The following CPPED1 variants were observed in gnomAD, a reference collection of about 807,000 sequenced individuals.
CPPED1 encodes the protein serine/threonine-protein phosphatase CPPED1.
A neutral mutation model predicts 28.0 loss-of-function variants in CPPED1; 28 were observed. That is an observed-to-expected ratio of 1.00 (90% CI 0.74 to 1.37). The LOEUF is 1.37. Among genes scored for constraint, CPPED1 ranks in the 40% most tolerant of loss-of-function variants. CPPED1 has a pLI of 0.00. For synonymous variants in CPPED1, 198 were observed against 180.2 expected, an observed-to-expected ratio of 1.10 and a Z score of -0.79; for missense variants, 504 against 416.5, an observed-to-expected ratio of 1.21 and a Z score of -1.83.
chr16:12,714,914 T>A (rs1033375373), intron 2 of CPPED1, among the ~76,000 whole-genome samples: 3 of 152,118 alleles, frequency 2.0e-5, no homozygotes, highest in Non-Finnish European at 4.4e-5. Context: ...TTCTAACAGT[T>A]TTCTAGTTTT....
At chr16:12,671,285 C>T (rs1053661633) in intron 3 of CPPED1, among the ~76,000 whole-genome samples, 4 of 152,116 alleles carry the variant, frequency 2.6e-5, no homozygotes, top group African/African-American at 9.7e-5. Context: ...TGATTAGATT[C>T]CCTTAGTTTT....
At chr16:12,716,211 C>A (rs2080106235) in intron 2 of CPPED1, among the ~76,000 whole-genome samples, 1 of 152,208 alleles carries the variant, frequency 6.6e-6, no homozygotes, top group Admixed American at 6.5e-5. Context: ...TATTTTTCCT[C>A]CAAAGTGATC....
chr16:12,784,873 TA>T (rs774409770), intron 1 of CPPED1, among the ~76,000 whole-genome samples: 25 of 152,158 alleles, frequency 1.6e-4, no homozygotes, highest in Admixed American at 6.5e-5. Flanking sequence ...TTGAAGCTAT[TA>T]AAACAAATCT....
At chr16:12,775,509 A>G (rs950559825) in intron 2 of CPPED1, among the ~76,000 whole-genome samples, 3 of 152,136 alleles carry the variant, frequency 2.0e-5, no homozygotes, top group African/African-American at 7.2e-5. Context: ...CAGTGCTCAA[A>G]AAGTTTCACA....
intron 2 of CPPED1, among the ~76,000 whole-genome samples, chr16:12,721,768 G>T (rs1415010460): frequency 6.9e-6 from 1 of 144,796 alleles, no homozygotes; most frequent in Admixed American, 7.0e-5. Context: ...AAAAAAAAAA[G>T]GCAAAATAAA....
intron 1 of CPPED1, among the ~76,000 whole-genome samples, chr16:12,791,600 C>T (rs2080597074): frequency 6.6e-6 from 1 of 152,172 alleles, no homozygotes; most frequent in Non-Finnish European, 1.5e-5. Flanking sequence ...TCACCAACTA[C>T]TCTTGGGCCA....
rs938626388 is a variant in CPPED1, at chr16:12,803,738, G to T, written c.39C>A (p.Ala13=). 1.9e-6 allele frequency: 3 copies of T among 1,596,126 alleles called. No individual in the cohort carries two copies. Among genetic ancestry groups the T allele is most frequent in the South Asian group, 2.3e-5 (2 of 88,546 alleles). Residue 13 remains alanine, a synonymous_variant, in exon 1 of 4, where the codon GCC becomes GCA. Coordinates refer to ENST00000381774, the MANE Select transcript of CPPED1 (RefSeq NM_018340.3). ...GAAACGCGGCCAGGGTCCTGCCCCT[G>T]GCTCTGTGGAAAACACCCCCCGCCT... ...AAEAGGVFHR[A]RGRTLAAFPA... is the part of the protein sequence containing the mutation.
At chr16:12,755,987 C>T (rs1214607662) in intron 2 of CPPED1, among the ~76,000 whole-genome samples, 5 of 152,164 alleles carry the variant, frequency 3.3e-5, no homozygotes, top group South Asian at 2.1e-4. Flanking sequence ...AAAAATTAGC[C>T]GGGCGTGGTC....
intron 2 of CPPED1, among the ~76,000 whole-genome samples, chr16:12,767,516 G>C (rs962568900): frequency 6.6e-6 from 1 of 152,156 alleles, no homozygotes; most frequent in Non-Finnish European, 1.5e-5. Context: ...GATGAGAGCT[G>C]TGGACCTTCT....
intron 3 of CPPED1, among the ~76,000 whole-genome samples, chr16:12,698,170 C>T (rs988283053): frequency 7.2e-5 from 11 of 152,120 alleles, no homozygotes; most frequent in Non-Finnish European, 1.6e-4. Context: ...ACGGATATTA[C>T]CTGCTGATAA....
intron 1 of CPPED1, among the ~76,000 whole-genome samples, chr16:12,798,141 T>C (rs923697208): frequency 2.0e-5 from 3 of 152,112 alleles, no homozygotes; most frequent in Non-Finnish European, 4.4e-5. Context: ...AACCCCGACA[T>C]TCAAAAATAA....
chr16:12,699,445 C>T (rs962127286), intron 3 of CPPED1, among the ~76,000 whole-genome samples: 2 of 152,124 alleles, frequency 1.3e-5, no homozygotes, highest in Admixed American at 6.6e-5. Flanking sequence ...CCCCTCCACT[C>T]CCGGTGGTCC....
intron 2 of CPPED1, chr16:12,761,046 T>C (rs1374371736): frequency 3.9e-5 from 6 of 152,184 alleles, no homozygotes; most frequent in Admixed American, 3.3e-4. Context: ...CCAGTTTGCA[T>C]GCAGCCTCAG....
In CPPED1 at chr16:12,664,137, A is replaced by T. The variant is rs889022374; in HGVS notation, c.*749T>A. 3 of 153,438 alleles carry T rather than the reference A, an allele frequency of 2.0e-5. No individual in the cohort carries two copies. Among genetic ancestry groups the T allele is most frequent in the African/African-American group, 7.2e-5 (3 of 41,460 alleles). The allele number at this position is 153,438 out of a possible 1,614,324, so 9.5% of individuals were successfully genotyped here. A position where few individuals can be genotyped will look rare whatever the true frequency, so the allele number is the denominator to read the frequency against. ...CACAGCCAGAATGTGGATGTGAACC[A>T]ACTCAACGTGCTCCCCAGAGACTGA... On this transcript the variant is annotated 3_prime_UTR_variant, in exon 4 of 4. Transcript: ENST00000381774. The surrounding 1 kb of genome is among the most constrained non-coding windows in gnomAD (Gnocchi z 4.2).
intron 1 of CPPED1, among the ~76,000 whole-genome samples, chr16:12,784,166 C>T (rs551753046): frequency 6.6e-6 from 1 of 152,344 alleles, no homozygotes; most frequent in East Asian, 1.9e-4. Flanking sequence ...AGATTAAAAA[C>T]TGTCATGTTG....
intron 2 of CPPED1, among the ~76,000 whole-genome samples, chr16:12,777,392 A>C (rs4781335): frequency 0.051 from 7,687 of 152,216 alleles, 346 homozygotes; most frequent in East Asian, 0.26. Flanking sequence ...GCTTCTGGGG[A>C]CAAAACCAGT....
intron 2 of CPPED1, among the ~76,000 whole-genome samples, chr16:12,763,291 T>A (rs2080420663): frequency 6.6e-6 from 1 of 150,566 alleles, no homozygotes; most frequent in South Asian, 2.1e-4. Context: ...CTCAAACTCC[T>A]GCGTTCAGGC....
At chr16:12,750,185 G>A (rs1443894690) in intron 2 of CPPED1, among the ~76,000 whole-genome samples, 1 of 152,172 alleles carries the variant, frequency 6.6e-6, no homozygotes, top group African/African-American at 2.4e-5. Flanking sequence ...TCATTTATGT[G>A]TTTAGAGGAA....
At chr16:12,757,634 G>A (rs924745942) in intron 2 of CPPED1, 2 of 138,396 alleles carry the variant, frequency 1.4e-5, no homozygotes, top group African/African-American at 5.3e-5. Flanking sequence ...CAGGCACACT[G>A]GGGGCCTTAG....
Sources: gnomAD v4.1 joint callset for allele counts (sites outside exome capture counted in the v4.1 genomes callset) on GRCh38, gnomAD v4.1.1 for gene constraint, Gnocchi (gnomAD v3.1) non-coding constraint, MANE v1.5 for transcripts, NCBI Gene and HGNC (gene_info 2026-07-23, HGNC 2026-07-21) for gene names.